Variants in SLC18B1 observed in about 807,000 individuals in gnomAD.
SLC18B1 encodes solute carrier family 18 member B1, also known as MFS-type transporter SLC18B1.
SLC18B1 carries 62 observed loss-of-function variants against 53.9 expected under a neutral mutation model. The observed-to-expected ratio is 1.15, with a 90% CI of 0.94 to 1.42. SLC18B1 has a LOEUF of 1.42. Among genes scored for constraint, SLC18B1 ranks in the 40% most tolerant of loss-of-function variants. The pLI, the probability that SLC18B1 is intolerant of heterozygous loss-of-function variation, is 0.00. For synonymous variants in SLC18B1, 217 were observed against 200.9 expected (o/e 1.08, Z -0.68); for missense variants, 598 against 547.3 (o/e 1.09, Z -0.93).
chr6:132,786,726 G>A (rs903948353), intron 5 of SLC18B1, among the ~76,000 whole-genome samples: 1 of 152,034 alleles, frequency 6.6e-6, no homozygotes, highest in African/African-American at 2.4e-5. Flanking sequence ...CTATAAGGGC[G>A]CCATACCGAC....
intron 5 of SLC18B1, 95 bp downstream of exon 5, chr6:132,787,339 C>A: frequency 8.1e-7 from 1 of 1,228,064 alleles, no homozygotes; most frequent in Non-Finnish European, 1.1e-6. Context: ...TAGAGAAATG[C>A]AAGTATAGAA....
At chr6:132,788,227 G>A (rs554892218) in intron 4 of SLC18B1, among the ~76,000 whole-genome samples, 2 of 150,902 alleles carry the variant, frequency 1.3e-5, no homozygotes, top group East Asian at 1.9e-4. Flanking sequence ...TGGCCCATCT[G>A]TAACTTGGTC....
chr6:132,791,500 T>C (rs1260383458), intron 2 of SLC18B1, among the ~76,000 whole-genome samples: 2 of 152,180 alleles, frequency 1.3e-5, no homozygotes, highest in Non-Finnish European at 2.9e-5. Flanking sequence ...TGTCAGACTA[T>C]GCTTCTTTAA....
At chr6:132,792,726 A>G (rs1292046905) in intron 2 of SLC18B1, among the ~76,000 whole-genome samples, 1 of 152,212 alleles carries the variant, frequency 6.6e-6, no homozygotes, top group Non-Finnish European at 1.5e-5. Flanking sequence ...TGGAATGCTG[A>G]CACAGGATGT....
intron 10 of SLC18B1, 92 bp downstream of exon 10, chr6:132,772,901 C>T (rs572173662): frequency 9.2e-6 from 8 of 870,446 alleles, no homozygotes; most frequent in Middle Eastern, 2.2e-4. Context: ...GCAAAAATAT[C>T]CAACATGCTG....
At chr6:132,790,556 C>CA (rs906283643) in intron 2 of SLC18B1, among the ~76,000 whole-genome samples, 16 of 151,810 alleles carry the variant, frequency 1.1e-4, no homozygotes, top group Admixed American at 2.0e-4. Context: ...TAAACAAACA[C>CA]AAAAAAAATG....
intron 2 of SLC18B1, among the ~76,000 whole-genome samples, chr6:132,794,571 C>T (rs773602160): frequency 9.2e-5 from 14 of 152,164 alleles, no homozygotes; most frequent in Non-Finnish European, 1.9e-4. Context: ...GACCTCACTT[C>T]ACCCCAGGCT....
In SLC18B1 at chr6:132,780,565, G is replaced by GTTTTTT. The variant is rs10537572; in HGVS notation, c.659-1167_659-1162dup. Among the ~76,000 whole-genome samples, 6 of 75,882 alleles carry GTTTTTT rather than the reference G, an allele frequency of 7.9e-5. No individual in the cohort carries two copies. The East Asian group carries it at 1.2e-3, about 16-fold the overall frequency. The allele number at this position is 75,882 out of a possible 152,430, so 49.8% of individuals were successfully genotyped here. ...AGATAAAAGTTAAACCGTGGTGTTAGTTTTTTTTTTTTTTTTTTTTTTTTG... is the reference window on the plus strand; with the variant it reads ...AGATAAAAGTTAAACCGTGGTGTTAGTTTTTTTTTTTTTTTTTTTTTTTTTTTTTTG... On this transcript the variant is annotated intron_variant, in intron 6 of 13. Coordinates refer to ENST00000275227, the MANE Select transcript of SLC18B1 (RefSeq NM_052831.3).
At chr6:132,774,931 A>G (rs984913135) in intron 8 of SLC18B1, among the ~76,000 whole-genome samples, 8 of 152,136 alleles carry the variant, frequency 5.3e-5, no homozygotes, top group African/African-American at 1.4e-4. Flanking sequence ...AGTGACCACA[A>G]AAAAAACCCA....
chr6:132,784,292 A>AGGGTAAG (rs1781314562), intron 5 of SLC18B1, among the ~76,000 whole-genome samples: 1 of 152,170 alleles, frequency 6.6e-6, no homozygotes, highest in South Asian at 2.1e-4. Context: ...TGTTATTGTA[A>AGGGTAAG]GGAAGGTATT....
chr6:132,789,695 A>T, intron 4 of SLC18B1, 69 bp downstream of exon 4: 1 of 1,069,290 alleles, frequency 9.4e-7, no homozygotes, highest in Non-Finnish European at 1.5e-6. Context: ...AAGAGTATTT[A>T]ACAATTTAAA....
chr6:132,783,157 A>AT (rs11369901), intron 6 of SLC18B1, among the ~76,000 whole-genome samples: 25,870 of 151,406 alleles, frequency 0.17, 4,844 homozygotes, highest in African/African-American at 0.47. Context: ...AATCCTAGAG[A>AT]TTTTTTTTTA....
At position 132,791,004 on chromosome 6, in the gene SLC18B1, T is replaced by C. The variant is rs140524209; in HGVS notation, c.184-732A>G. Among the ~76,000 whole-genome samples the C allele has an allele frequency of 6.5e-3, 990 of 152,336 alleles. 9 individuals carry two copies. Among genetic ancestry groups the C allele is most frequent in the Middle Eastern group, 0.014 (4 of 292 alleles). The stretch of plus-strand genomic sequence containing the variant: ...TTCTTTTGAACTTCAAATGCTACTG[T>C]GATACACAACTACATTCACATATAA... On this transcript the variant is annotated intron_variant, in intron 2 of 13. Transcript: ENST00000275227.
At chr6:132,794,312 C>T (rs1781619248) in intron 2 of SLC18B1, among the ~76,000 whole-genome samples, 1 of 151,878 alleles carries the variant, frequency 6.6e-6, no homozygotes, top group African/African-American at 2.4e-5. Context: ...CCATGTTGGC[C>T]AGGCTGGTCT....
chr6:132,777,241 A>G (rs969874355), intron 7 of SLC18B1, among the ~76,000 whole-genome samples: 14 of 152,124 alleles, frequency 9.2e-5, no homozygotes, highest in African/African-American at 3.1e-4. Flanking sequence ...ACTCTGTCTC[A>G]AAAGCAAAAA....
intron 7 of SLC18B1, 66 bp from the exon 8 acceptor site, chr6:132,776,495 C>G: frequency 8.6e-7 from 1 of 1,156,294 alleles, no homozygotes; most frequent in Non-Finnish European, 1.3e-6. Context: ...TCCCTCTTTT[C>G]CCTCTACCAT....
At chr6:132,790,410 T>C (rs1781493098) in intron 2 of SLC18B1, 138 bp from the exon 3 acceptor site, 8 of 543,172 alleles carry the variant, frequency 1.5e-5, no homozygotes, top group Non-Finnish European at 2.5e-5. Flanking sequence ...TCTTTTAAAA[T>C]AAATGGGGTG....
intron 6 of SLC18B1, among the ~76,000 whole-genome samples, chr6:132,781,765 AAAAAG>A (rs917094777): frequency 4.6e-5 from 7 of 151,890 alleles, no homozygotes; most frequent in Non-Finnish European, 7.4e-5. Context: ...TTTAAAAAAA[AAAAAG>A]AAAAGAAAAG....
intron 2 of SLC18B1, among the ~76,000 whole-genome samples, chr6:132,795,839 C>A (rs1176477936): frequency 6.6e-6 from 1 of 152,174 alleles, no homozygotes; most frequent in Admixed American, 6.5e-5. Context: ...AAGGAATAGG[C>A]CCTATTAATC....
Sources: gnomAD v4.1 joint callset for allele counts (sites outside exome capture counted in the v4.1 genomes callset) on GRCh38, gnomAD v4.1.1 for gene constraint, MANE v1.5 for transcripts, NCBI Gene and HGNC (gene_info 2026-07-23, HGNC 2026-07-21) for gene names.